Variants in RANBP2 observed in about 807,000 individuals in gnomAD.
The protein encoded by RANBP2 is E3 SUMO-protein ligase RanBP2.
In RANBP2, 57 loss-of-function variants were observed where a neutral mutation model predicts 303.6. The ratio of observed to expected loss-of-function variants is 0.19; its 90% CI spans 0.15 to 0.23. The LOEUF (loss-of-function observed/expected upper bound fraction) is 0.23, where lower values mean the gene tolerates loss of function less well. RANBP2 is among the 10% of genes least tolerant of loss of function. The pLI, the probability that RANBP2 is intolerant of heterozygous loss-of-function variation, is 1.00. For synonymous variants in RANBP2, 1,167 were observed against 1,301.5 expected, an observed-to-expected ratio of 0.90 and a Z score of 2.23; for missense variants, 3,138 against 3,780.8, an observed-to-expected ratio of 0.83 and a Z score of 4.46.
At chr2:108,849,855 A>C in the RANBP2 span, among the ~76,000 whole-genome samples, 1 of 152,220 alleles carries the variant, frequency 6.6e-6, no homozygotes, top group Non-Finnish European at 1.5e-5. Flanking sequence ...TCAAGAAAGA[A>C]GCCTGAATGC....
At chr2:109,112,217 C>G in the RANBP2 span, among the ~76,000 whole-genome samples, 1 of 152,020 alleles carries the variant, frequency 6.6e-6, no homozygotes, top group Admixed American at 6.6e-5. Flanking sequence ...CACTGACTTC[C>G]ACAATGGTTG....
the RANBP2 span, among the ~76,000 whole-genome samples, chr2:109,728,342 T>A: frequency 6.6e-6 from 1 of 152,330 alleles, no homozygotes; most frequent in South Asian, 2.1e-4. Flanking sequence ...AAATAGATGA[T>A]CGTTGTCATT....
chr2:109,714,014 G>A, the RANBP2 span, among the ~76,000 whole-genome samples: 74,320 of 152,140 alleles, frequency 0.49, 20,377 homozygotes, highest in East Asian at 0.65. Flanking sequence ...GCTCAGGCCC[G>A]TAGGACTGCC....
the RANBP2 span, among the ~76,000 whole-genome samples, chr2:109,454,524 C>T: frequency 6.6e-6 from 1 of 152,182 alleles, no homozygotes; most frequent in African/African-American, 2.4e-5. Flanking sequence ...TGAGAGCGCT[C>T]CCGCCGGCTG....
At chr2:108,989,970 C>T in the RANBP2 span, among the ~76,000 whole-genome samples, 2 of 152,172 alleles carry the variant, frequency 1.3e-5, no homozygotes, top group Non-Finnish European at 2.9e-5. Context: ...TGGAAACCTA[C>T]AAGGTAACTC....
the RANBP2 span, among the ~76,000 whole-genome samples, chr2:109,669,944 C>T: frequency 7.2e-5 from 11 of 151,734 alleles, no homozygotes; most frequent in East Asian, 3.9e-4. Flanking sequence ...CCCCCCACCA[C>T]GGGCAGTGCA....
chr2:109,512,987 G>A, the RANBP2 span, among the ~76,000 whole-genome samples: 2 of 152,220 alleles, frequency 1.3e-5, no homozygotes. Flanking sequence ...ACCTAAGGGA[G>A]GGAAACCTGC....
chr2:109,129,248 C>T, the RANBP2 span: 2 of 579,448 alleles, frequency 3.5e-6, no homozygotes, highest in African/African-American at 4.0e-5. Context: ...CCCCGGTCCC[C>T]CGCGCGGGGC....
chr2:109,315,059 A>G, the RANBP2 span, among the ~76,000 whole-genome samples: 1 of 152,260 alleles, frequency 6.6e-6, no homozygotes, highest in Non-Finnish European at 1.5e-5. Flanking sequence ...AAGAGCCCAT[A>G]CACGACACGT....
the RANBP2 span, among the ~76,000 whole-genome samples, chr2:109,333,593 A>G: frequency 7.2e-5 from 11 of 152,198 alleles, no homozygotes; most frequent in African/African-American, 1.9e-4. Context: ...GGCTGCTACA[A>G]TGGCAGAGTT....
chr2:109,032,816 A>G, the RANBP2 span, among the ~76,000 whole-genome samples: 1 of 152,256 alleles, frequency 6.6e-6, no homozygotes, highest in Non-Finnish European at 1.5e-5. Flanking sequence ...GCCACTACTG[A>G]GGAGCAATCG....
chr2:109,650,641 T>A, the RANBP2 span, among the ~76,000 whole-genome samples: 1 of 152,172 alleles, frequency 6.6e-6, no homozygotes, highest in African/African-American at 2.4e-5. Flanking sequence ...TGGGAGATCA[T>A]TGAATCATGG....
the RANBP2 span, among the ~76,000 whole-genome samples, chr2:109,211,700 A>G: frequency 1.0e-4 from 15 of 148,306 alleles, no homozygotes; most frequent in African/African-American, 3.5e-4. Context: ...GGTGGAGTGC[A>G]ATGGTGCAAT....
chr2:108,750,608 G>T lies in RANBP2; in HGVS notation c.1274-656G>T, dbSNP rs190959245. Among the ~76,000 whole-genome samples the T allele has an allele frequency of 9.9e-3, 737 of 74,300 alleles. 9 individuals are homozygous for T. Among genetic ancestry groups the T allele is most frequent in the Non-Finnish European group, 0.022 (598 of 27,296 alleles). 48.7% of individuals were successfully genotyped at this position (74,300 alleles called of 152,430 possible). A position where few individuals can be genotyped will look rare whatever the true frequency, so the allele number is the denominator to read the frequency against. On this transcript the variant is annotated intron_variant, in intron 9 of 28. Transcript: ENST00000283195. Reference sequence around the variant, plus strand: ...TTTTCTTTTCTTTTCTTTTCTTTGAGACAGAGTCTCGCTCTGTCACCCAGG... The same window carrying T: ...TTTTCTTTTCTTTTCTTTTCTTTGATACAGAGTCTCGCTCTGTCACCCAGG...
chr2:109,390,528 C>T, the RANBP2 span, among the ~76,000 whole-genome samples: 4 of 152,186 alleles, frequency 2.6e-5, no homozygotes, highest in South Asian at 8.3e-4. Flanking sequence ...GACACATCAC[C>T]CAATATCAAG....
At position 108,755,477 on chromosome 2, in the gene RANBP2, ACCT is replaced by A. The variant is rs200186979; in HGVS notation, c.2466+222_2466+224del. On this transcript the variant is annotated intron_variant, in intron 17 of 28. Coordinates refer to ENST00000283195, the MANE Select transcript of RANBP2 (RefSeq NM_006267.5). Reference sequence around the variant, plus strand: ...ATGATCACAGCTTACTGTGGCTTCGACCTCCTAGCTCAAGAGAGGCTCTTGGCT... The same window carrying A: ...ATGATCACAGCTTACTGTGGCTTCGACCTAGCTCAAGAGAGGCTCTTGGCT... Among the ~76,000 whole-genome samples, 28 of 149,744 alleles carry A rather than the reference ACCT, an allele frequency of 1.9e-4. No homozygotes were observed. The East Asian group carries it at 3.4e-3, about 18-fold the overall frequency.
the RANBP2 span, among the ~76,000 whole-genome samples, chr2:109,536,014 T>C: frequency 1.3e-3 from 147 of 115,916 alleles, 1 homozygote; most frequent in African/African-American, 5.0e-3. Context: ...ATGGAAATAC[T>C]TGGATGTCCA....
At chr2:109,088,423 C>G in the RANBP2 span, among the ~76,000 whole-genome samples, 443 of 145,698 alleles carry the variant, frequency 3.0e-3, 3 homozygotes, top group African/African-American at 0.011. Flanking sequence ...AAAAGAGCAG[C>G]GAAAGAGACA....
chr2:108,906,311 C>T, the RANBP2 span: 1 of 1,614,120 alleles, frequency 6.2e-7, no homozygotes, highest in South Asian at 1.1e-5. Context: ...AGCTTACCTT[C>T]CACGACTCCA....
Sources: gnomAD v4.1 joint callset for allele counts (sites outside exome capture counted in the v4.1 genomes callset) on GRCh38, gnomAD v4.1.1 for gene constraint, MANE v1.5 for transcripts, NCBI Gene and HGNC (gene_info 2026-07-23, HGNC 2026-07-21) for gene names.